DISC1: variants seen among roughly 807,000 people sequenced by gnomAD.
The protein encoded by DISC1 is disrupted in schizophrenia 1 protein.
In DISC1, 57 loss-of-function variants were observed where a neutral mutation model predicts 84.5. The observed-to-expected ratio is 0.67, with a 90% CI of 0.55 to 0.84. The LOEUF (loss-of-function observed/expected upper bound fraction) is 0.84, where lower values mean the gene tolerates loss of function less well. Ranked by LOEUF, DISC1 falls within the 40% of genes least tolerant of loss-of-function variation. The pLI is 0.00. For synonymous variants in DISC1, 411 were observed against 415.2 expected, an observed-to-expected ratio of 0.99 and a Z score of 0.12; for missense variants, 1,000 against 1,057.8, an observed-to-expected ratio of 0.95 and a Z score of 0.76.
At chr1:231,671,017 C>T (rs549655872) in intron 1 of DISC1, among the ~76,000 whole-genome samples, 30 of 152,228 alleles carry the variant, frequency 2.0e-4, no homozygotes, top group African/African-American at 5.5e-4. Context: ...TGTTACTTGG[C>T]GTTGAATATT....
chr1:231,900,719 A>G (rs1457204801), intron 9 of DISC1, among the ~76,000 whole-genome samples: 3 of 152,198 alleles, frequency 2.0e-5, no homozygotes, highest in Admixed American at 6.5e-5. Context: ...TCATTTTTAA[A>G]GAGCTCCTCA....
chr1:231,691,906 C>T (rs571951920), intron 1 of DISC1, among the ~76,000 whole-genome samples: 5 of 152,364 alleles, frequency 3.3e-5, no homozygotes, highest in African/African-American at 1.2e-4. Context: ...CGGATTCCTT[C>T]TGTACATCTC....
chr1:231,971,935 C>T (rs975122619), intron 10 of DISC1, among the ~76,000 whole-genome samples: 7 of 152,208 alleles, frequency 4.6e-5, no homozygotes, highest in Admixed American at 1.3e-4. Flanking sequence ...GAATCACCAA[C>T]AGGATGACTT....
chr1:231,765,371 G>A (rs1357649861), intron 4 of DISC1, among the ~76,000 whole-genome samples: 3 of 152,026 alleles, frequency 2.0e-5, no homozygotes, highest in Non-Finnish European at 4.4e-5. Flanking sequence ...GCATCACCAC[G>A]CTCAGCTGTA....
chr1:231,872,575 C>G (rs1194925248), intron 9 of DISC1, among the ~76,000 whole-genome samples: 2 of 151,972 alleles, frequency 1.3e-5, no homozygotes, highest in Non-Finnish European at 2.9e-5. Flanking sequence ...TCCTAGACTT[C>G]TGTTTATTTT....
At chr1:231,893,142 G>A (rs1352044147) in intron 9 of DISC1, among the ~76,000 whole-genome samples, 1 of 152,064 alleles carries the variant, frequency 6.6e-6, no homozygotes, top group East Asian at 1.9e-4. Context: ...CTGCCTGGGT[G>A]ACACAGCAAG....
chr1:231,651,750 A>C (rs1378101181), intron 1 of DISC1, among the ~76,000 whole-genome samples: 1 of 152,216 alleles, frequency 6.6e-6, no homozygotes, highest in Non-Finnish European at 1.5e-5. Flanking sequence ...CGCCCAGTTC[A>C]AGCTTCTCCA....
At chr1:231,947,347 G>A (rs1394687525) in intron 9 of DISC1, among the ~76,000 whole-genome samples, 1 of 152,102 alleles carries the variant, frequency 6.6e-6, no homozygotes, top group East Asian at 1.9e-4. Flanking sequence ...ACACAAACAA[G>A]CAATGGGGAA....
At chr1:231,889,673 T>C (rs2087055985) in intron 9 of DISC1, among the ~76,000 whole-genome samples, 1 of 152,170 alleles carries the variant, frequency 6.6e-6, no homozygotes, top group African/African-American at 2.4e-5. Context: ...ATCTCAGATG[T>C]TGAGTTTCTG....
At chr1:231,786,523 C>G (rs1191817845) in intron 6 of DISC1, among the ~76,000 whole-genome samples, 1 of 152,160 alleles carries the variant, frequency 6.6e-6, no homozygotes, top group Non-Finnish European at 1.5e-5. Context: ...GTGCCAGGTG[C>G]TAAGGTGGTT....
At chr1:231,759,546 A>AC (rs1326540179) in intron 4 of DISC1, among the ~76,000 whole-genome samples, 10 of 143,192 alleles carry the variant, frequency 7.0e-5, no homozygotes, top group South Asian at 2.1e-4. Context: ...AAAAAAAAAA[A>AC]AAAAACAAAA....
intron 1 of DISC1, chr1:231,629,261 T>C (rs1266501219): frequency 6.6e-6 from 1 of 152,638 alleles, no homozygotes; most frequent in Non-Finnish European, 1.5e-5. Context: ...CTGGATTGTT[T>C]TGTTTTGTTT....
intron 10 of DISC1, 188 bp downstream of exon 10, chr1:231,959,076 A>G: frequency 7.3e-7 from 1 of 1,373,256 alleles, no homozygotes; most frequent in Non-Finnish European, 9.3e-7. Context: ...TGTCTTTTAA[A>G]AAGTAAGTAG....
intron 6 of DISC1, among the ~76,000 whole-genome samples, chr1:231,777,013 G>A (rs1027580759): frequency 2.0e-5 from 3 of 152,164 alleles, no homozygotes; most frequent in Non-Finnish European, 4.4e-5. Context: ...CAGTCTCCAA[G>A]CTGCTTTTCC....
At chr1:231,867,337 C>G (rs1245604672) in intron 9 of DISC1, among the ~76,000 whole-genome samples, 1 of 152,200 alleles carries the variant, frequency 6.6e-6, no homozygotes, top group Non-Finnish European at 1.5e-5. Context: ...GGATGTACCT[C>G]TTTTGCTTCA....
chr1:231,702,012 G>C lies in DISC1; in HGVS notation c.1105G>C (p.Asp369His), dbSNP rs139096455. The C allele has an allele frequency of 2.5e-6, 4 of 1,606,932 alleles. No homozygotes were observed. Among genetic ancestry groups the C allele is most frequent in the Admixed American group, 3.4e-5 (2 of 58,998 alleles). The change falls in exon 3 of 13, where the codon GAT becomes CAT. Residue 369 changes from aspartate (D) to histidine (H), a missense_variant. Transcript: ENST00000439617. ...KLQEDAVEND[D>H]YDKAETLQQR... is the part of the protein sequence containing the mutation. The stretch of plus-strand genomic sequence containing the variant: ...TCAGGAAGATGCAGTTGAGAATGAT[G>C]ATTATGATAAAGGTGAGTTTTAATT...
At chr1:231,981,438 A>G (rs941738565) in intron 10 of DISC1, among the ~76,000 whole-genome samples, 3 of 152,190 alleles carry the variant, frequency 2.0e-5, no homozygotes, top group African/African-American at 2.4e-5. Context: ...GCTAATCACC[A>G]TGCAGATCCC....
At chr1:231,727,199 A>G (rs1168268797) in intron 3 of DISC1, among the ~76,000 whole-genome samples, 3 of 151,862 alleles carry the variant, frequency 2.0e-5, no homozygotes, top group South Asian at 2.1e-4. Flanking sequence ...CTTTTTCTCT[A>G]TTTTTCATGG....
intron 4 of DISC1, 136 bp downstream of exon 4, chr1:231,750,212 G>T: frequency 6.9e-7 from 1 of 1,450,416 alleles, no homozygotes; most frequent in Non-Finnish European, 9.1e-7. Flanking sequence ...TTTGTTGGTT[G>T]GGAAGGTGGG....
Sources: allele counts gnomAD v4.1 joint callset (sites outside exome capture counted in the v4.1 genomes callset), GRCh38; gene constraint gnomAD v4.1.1; transcripts MANE v1.5; gene names NCBI Gene and HGNC (gene_info 2026-07-23, HGNC 2026-07-21).